PGR: variants seen among roughly 807,000 people sequenced by gnomAD.
PGR encodes the protein progesterone receptor, also known as nuclear receptor subfamily 3 group C member 3.
A neutral mutation model predicts 76.1 loss-of-function variants in PGR; 25 were observed. The observed-to-expected ratio is 0.33, with a 90% CI of 0.24 to 0.46. PGR has a LOEUF of 0.46. PGR is among the 20% of genes least tolerant of loss of function. The pLI is 1.00. For missense variants in PGR, 1,172 were observed against 1,225.3 expected (o/e 0.96, Z 0.65); for synonymous variants, 579 against 535.0 (o/e 1.08, Z -1.14).
intron 4 of PGR, among the ~76,000 whole-genome samples, chr11:101,055,137 G>A (rs1325531017): frequency 1.3e-5 from 2 of 151,912 alleles, no homozygotes; most frequent in South Asian, 2.1e-4. Flanking sequence ...AAAATGGGCT[G>A]GGCGCAGTGG....
chr11:101,052,553 G>C (rs930745655), intron 4 of PGR, among the ~76,000 whole-genome samples: 23 of 152,218 alleles, frequency 1.5e-4, no homozygotes, highest in African/African-American at 5.5e-4. Flanking sequence ...GATCATCCAA[G>C]GTCTTGCAAG....
At chr11:101,050,192 T>TAAA in intron 5 of PGR, 133 bp from the exon 6 acceptor site, 2 of 851,302 alleles carry the variant, frequency 2.3e-6, no homozygotes, top group East Asian at 5.5e-5. Context: ...CTACTACTTT[T>TAAA]AATAAACAAA....
intron 2 of PGR, among the ~76,000 whole-genome samples, chr11:101,112,442 T>C (rs1862371748): frequency 6.6e-6 from 1 of 152,114 alleles, no homozygotes; most frequent in African/African-American, 2.4e-5. Context: ...AGGGCTGGAC[T>C]TGAGAACTGC....
At chr11:101,046,377 T>C (rs1283858616) in intron 6 of PGR, among the ~76,000 whole-genome samples, 1 of 136,748 alleles carries the variant, frequency 7.3e-6, no homozygotes, top group Admixed American at 8.2e-5. Flanking sequence ...GGTCTCAAAC[T>C]CCTGGGTTCA....
At position 101,088,954 on chromosome 11, in the gene PGR, T is replaced by A. The variant is rs554979059; in HGVS notation, c.1906+2806A>T. On this transcript the variant is annotated intron_variant, in intron 3 of 7. Transcript: ENST00000325455. The stretch of plus-strand genomic sequence containing the variant: ...GGAACAAAAAACCAAATACTGCATG[T>A]TCTCACTTATAAGTGGGAGCTAGAC... 3.9e-5 allele frequency among the ~76,000 whole-genome samples: 6 copies of A among 152,310 alleles called. No homozygotes were observed. The East Asian group carries it at 1.2e-3, about 29-fold the overall frequency.
At chr11:101,074,024 A>G (rs1861036156) in intron 3 of PGR, among the ~76,000 whole-genome samples, 1 of 152,170 alleles carries the variant, frequency 6.6e-6, no homozygotes, top group African/African-American at 2.4e-5. Flanking sequence ...GAAACAACAA[A>G]AAAGAAAATT....
At chr11:101,115,839 A>G (rs1341626721) in intron 2 of PGR, among the ~76,000 whole-genome samples, 1 of 152,202 alleles carries the variant, frequency 6.6e-6, no homozygotes, top group East Asian at 1.9e-4. Flanking sequence ...CATTGCAAAA[A>G]GCCAGCAGGC....
rs1195525506 is a variant in PGR, at chr11:101,033,551, G to T, written c.*5565C>A. The T allele has an allele frequency of 5.2e-6, 1 of 193,946 alleles. No individual in the cohort carries two copies. The highest frequency in any genetic ancestry group is 2.3e-5 in the African/African-American group (1 of 43,184). 12.0% of individuals were successfully genotyped at this position (193,946 alleles called of 1,614,324 possible). A position where few individuals can be genotyped will look rare whatever the true frequency, so the allele number is the denominator to read the frequency against. On this transcript the variant is annotated 3_prime_UTR_variant, in exon 8 of 8. Transcript: ENST00000325455. ...GCTGCACAAAATATATCAAATCTGT[G>T]TGGATATAATTGTTATTCATGCTGC...
chr11:101,126,141 C>A lies in PGR; in HGVS notation c.1655G>T (p.Ser552Ile). 6.2e-7 allele frequency: 1 copy of A among 1,614,128 alleles called. No homozygotes were observed. The highest frequency in any genetic ancestry group is 8.5e-7 in the Non-Finnish European group (1 of 1,179,994). ...CTCGAAGCTGTATTGTGGGCTCTGG[C>A]TGGCTTCTGAATCCGGCCTTGAAAT... is the stretch of plus-strand genomic sequence containing the variant. ...LNYLRPDSEA[S>I]QSPQYSFESL... Residue 552 changes from serine to isoleucine, a missense_variant, in exon 2 of 8, where the codon AGC becomes ATC. By Grantham distance (142) the Ser-to-Ile change is moderately radical. Transcript: ENST00000325455.
In PGR at chr11:101,107,865, TAA is replaced by T. The variant is rs56355097; in HGVS notation, c.1790-15991_1790-15990del. On this transcript the variant is annotated intron_variant, in intron 2 of 7. Transcript: ENST00000325455. ...CCAGTCTTACTTGAAACTGGCTTTG[TAA>T]AAAAAAAAAAAAAGAAAGAAAAAGG... Among the ~76,000 whole-genome samples the T allele has an allele frequency of 3.7e-3, 440 of 119,246 alleles. 8 individuals are homozygous for T. Among genetic ancestry groups the T allele is most frequent in the African/African-American group, 0.012 (350 of 30,350 alleles). 78.2% of individuals were successfully genotyped at this position (119,246 alleles called of 152,430 possible).
chr11:101,039,592 T>C (rs1007763546), intron 7 of PGR, among the ~76,000 whole-genome samples: 5 of 151,936 alleles, frequency 3.3e-5, no homozygotes, highest in African/African-American at 1.2e-4. Flanking sequence ...TATACAGACA[T>C]ACCCAAGCAT....
chr11:101,039,367 TATAA>T (rs1357680913), intron 7 of PGR, 96 bp from the exon 8 acceptor site: 1 of 914,836 alleles, frequency 1.1e-6, no homozygotes, highest in African/African-American at 1.7e-5. Context: ...CTATTTATAA[TATAA>T]ATACTTCTCA....
chr11:101,091,143 A>G (rs1861662971), intron 3 of PGR, among the ~76,000 whole-genome samples: 1 of 152,262 alleles, frequency 6.6e-6, no homozygotes, highest in Admixed American at 6.5e-5. Context: ...TCACTCTGCT[A>G]TGTTTTCATT....
At chr11:101,114,416 G>A (rs1591427250) in intron 2 of PGR, among the ~76,000 whole-genome samples, 2 of 152,124 alleles carry the variant, frequency 1.3e-5, no homozygotes, top group African/African-American at 4.8e-5. Context: ...ATTCTCATAA[G>A]TTATTTTGTG....
chr11:101,049,915 T>G lies in PGR; in HGVS notation c.2488+14A>C, dbSNP rs768389253. 4.6e-5 allele frequency: 74 copies of G among 1,606,816 alleles called. 2 individuals carry two copies. In the South Asian group the frequency reaches 8.0e-4, roughly 17 times the overall value. ...AACTAGATATCTTGCATTAAGTTAC[T>G]TGAACTCACTCACTTGTATTAAGAA... is the stretch of plus-strand genomic sequence containing the variant. On this transcript the variant is annotated intron_variant, in intron 6 of 7. Coordinates refer to ENST00000325455, the MANE Select transcript of PGR (RefSeq NM_000926.4).
chr11:101,067,458 G>T (rs1860760329), intron 3 of PGR, among the ~76,000 whole-genome samples: 1 of 151,688 alleles, frequency 6.6e-6, no homozygotes, highest in Non-Finnish European at 1.5e-5. Flanking sequence ...ACCTAAAACG[G>T]CAAGGACACA....
intron 3 of PGR, among the ~76,000 whole-genome samples, chr11:101,080,446 T>C (rs1861267516): frequency 6.7e-6 from 1 of 149,480 alleles, no homozygotes. Context: ...AAAATAATAA[T>C]AATAATACCA....
intron 2 of PGR, among the ~76,000 whole-genome samples, chr11:101,102,399 T>A (rs988892904): frequency 2.6e-5 from 4 of 152,212 alleles, no homozygotes; most frequent in African/African-American, 9.6e-5. Flanking sequence ...AATTGTTGAT[T>A]ACAGATATTC....
In PGR at chr11:101,033,799, A is replaced by T; in HGVS notation, c.*5317T>A. On this transcript the variant is annotated 3_prime_UTR_variant, in exon 8 of 8. Coordinates refer to ENST00000325455, the MANE Select transcript of PGR (RefSeq NM_000926.4). ...GCAGATTAGTAAACGTCATAGACAAAGAGATCAGAAACTTAACATATAACT... is the reference window on the plus strand; with the variant it reads ...GCAGATTAGTAAACGTCATAGACAATGAGATCAGAAACTTAACATATAACT... 4.8e-6 allele frequency: 1 copy of T among 207,588 alleles called. No homozygotes were observed. The highest frequency in any genetic ancestry group is 9.8e-6 in the Non-Finnish European group (1 of 101,778). 12.9% of individuals were successfully genotyped at this position (207,588 alleles called of 1,614,324 possible).
Sources: allele counts gnomAD v4.1 joint callset (sites outside exome capture counted in the v4.1 genomes callset), GRCh38; gene constraint gnomAD v4.1.1; transcripts MANE v1.5; gene names NCBI Gene and HGNC (gene_info 2026-07-23, HGNC 2026-07-21).